The following CNTNAP3B variants were observed in gnomAD, a reference collection of about 807,000 sequenced individuals.
CNTNAP3B encodes contactin-associated protein-like 3B.
A neutral mutation model predicts 108.9 loss-of-function variants in CNTNAP3B; 25 were observed. The observed-to-expected ratio is 0.23, with a 90% CI of 0.17 to 0.32. CNTNAP3B has a LOEUF of 0.32. Among genes scored for constraint, CNTNAP3B ranks in the 10% least tolerant of loss-of-function variants. The pLI is 1.00. For missense variants in CNTNAP3B, 252 were observed against 1,210.4 expected, an observed-to-expected ratio of 0.21 and a Z score of 11.75; for synonymous variants, 103 against 473.4, an observed-to-expected ratio of 0.22 and a Z score of 10.16.
intron 18 of CNTNAP3B, among the ~76,000 whole-genome samples, chr9:41,915,809 C>A (rs1823502188): frequency 6.6e-6 from 1 of 150,466 alleles, no homozygotes; most frequent in Non-Finnish European, 1.5e-5. Flanking sequence ...ATTTGTTGAA[C>A]CACTCCTGAA....
At chr9:42,061,349 C>T (rs1827175415) in intron 3 of CNTNAP3B, among the ~76,000 whole-genome samples, 1 of 123,236 alleles carries the variant, frequency 8.1e-6, no homozygotes, top group Non-Finnish European at 1.6e-5. Flanking sequence ...GAGACAGTCT[C>T]GCTCTGTCAC....
intron 2 of CNTNAP3B, among the ~76,000 whole-genome samples, chr9:42,086,177 G>T (rs545162009): frequency 1.4e-4 from 20 of 142,382 alleles, no homozygotes; most frequent in South Asian, 1.3e-3. Context: ...GCAAAAGGGG[G>T]TCCCCCTTAT....
intron 9 of CNTNAP3B, among the ~76,000 whole-genome samples, chr9:41,977,927 G>A (rs1825552880): frequency 7.0e-6 from 1 of 142,436 alleles, no homozygotes; most frequent in East Asian, 2.1e-4. Flanking sequence ...CACTGTGCCT[G>A]GCCGAATTTT....
intron 3 of CNTNAP3B, among the ~76,000 whole-genome samples, chr9:42,020,342 C>T (rs1199647775): frequency 6.6e-6 from 1 of 151,908 alleles, no homozygotes; most frequent in East Asian, 1.9e-4. Context: ...TTGCTATTGA[C>T]TTTAAATGAT....
Position 42,126,797 on chromosome 9 carries a change from T to C in CNTNAP3B, c.85+2213A>G, listed in dbSNP as rs1336460999. Among the ~76,000 whole-genome samples the C allele has an allele frequency of 1.5e-5, 2 of 137,832 alleles. 1 individual carries two copies. Among genetic ancestry groups the C allele is most frequent in the Non-Finnish European group, 3.1e-5 (2 of 64,414 alleles). 90.4% of individuals were successfully genotyped at this position (137,832 alleles called of 152,430 possible). On this transcript the variant is annotated intron_variant, in intron 1 of 23. Coordinates refer to ENST00000377561, the MANE Select transcript of CNTNAP3B (RefSeq NM_001201380.3). Reference sequence around the variant, plus strand: ...GGTGGCCAAGCTGGTCTCGAACTCCTGACCTCAGGTGATCCACCCACCTCG... The same window carrying C: ...GGTGGCCAAGCTGGTCTCGAACTCCCGACCTCAGGTGATCCACCCACCTCG...
chr9:41,937,597 G>A (rs1276909183), intron 14 of CNTNAP3B, among the ~76,000 whole-genome samples: 1 of 152,348 alleles, frequency 6.6e-6, no homozygotes, highest in African/African-American at 2.4e-5. Context: ...CTGAAAAAGA[G>A]GCATTGCAAT....
intron 13 of CNTNAP3B, among the ~76,000 whole-genome samples, chr9:41,948,034 G>GGA (rs1554741495): frequency 1.3e-5 from 2 of 148,358 alleles, no homozygotes; most frequent in Non-Finnish European, 3.0e-5. Context: ...TAAAATTACT[G>GGA]AAAAAAAATC....
chr9:42,103,488 C>A, intron 2 of CNTNAP3B, among the ~76,000 whole-genome samples: 1 of 119,762 alleles, frequency 8.3e-6, no homozygotes, highest in Non-Finnish European at 1.7e-5. Context: ...CTTCAGGAGG[C>A]TGAGGTGGGT....
At chr9:41,933,657 A>G (rs1172140755) in intron 14 of CNTNAP3B, among the ~76,000 whole-genome samples, 1 of 152,250 alleles carries the variant, frequency 6.6e-6, no homozygotes, top group Non-Finnish European at 1.5e-5. Flanking sequence ...ATTTTTCCTG[A>G]TATTTCTTTA....
At chr9:41,940,400 G>C (rs1824300386) in intron 13 of CNTNAP3B, among the ~76,000 whole-genome samples, 1 of 152,400 alleles carries the variant, frequency 6.6e-6, no homozygotes, top group Non-Finnish European at 1.5e-5. Context: ...AATGATAGTA[G>C]ATTACTCATC....
At chr9:42,087,364 T>C (rs982394242) in intron 2 of CNTNAP3B, among the ~76,000 whole-genome samples, 5 of 132,304 alleles carry the variant, frequency 3.8e-5, no homozygotes, top group East Asian at 2.3e-4. Context: ...GACCCTTTTT[T>C]CATGGTTGTT....
At chr9:41,925,781 A>G (rs1333059488) in intron 15 of CNTNAP3B, among the ~76,000 whole-genome samples, 2 of 152,262 alleles carry the variant, frequency 1.3e-5, no homozygotes, top group Non-Finnish European at 2.9e-5. Flanking sequence ...GCTGACACCC[A>G]TGCCTTTTTC....
intron 12 of CNTNAP3B, among the ~76,000 whole-genome samples, chr9:41,959,572 T>C (rs1357973450): frequency 2.6e-5 from 4 of 152,374 alleles, no homozygotes; most frequent in African/African-American, 9.6e-5. Context: ...TTTTATGGGA[T>C]TTCTCACTTT....
At chr9:42,120,519 C>T (rs1160816624) in intron 1 of CNTNAP3B, among the ~76,000 whole-genome samples, 1 of 138,024 alleles carries the variant, frequency 7.2e-6, no homozygotes, top group African/African-American at 2.9e-5. Context: ...AAGACACATG[C>T]ACACGTATGT....
At chr9:41,958,445 G>A (rs1824945433) in intron 12 of CNTNAP3B, among the ~76,000 whole-genome samples, 1 of 152,172 alleles carries the variant, frequency 6.6e-6, no homozygotes, top group Non-Finnish European at 1.5e-5. Flanking sequence ...ATTTTTTCTT[G>A]ATAACCAGAT....
intron 15 of CNTNAP3B, among the ~76,000 whole-genome samples, chr9:41,927,993 T>C (rs1191962435): frequency 9.4e-5 from 14 of 149,352 alleles, no homozygotes; most frequent in African/African-American, 2.7e-4. Context: ...AACCATTTTT[T>C]CTTAAAAGAG....
At chr9:42,063,810 C>A (rs578214227) in intron 3 of CNTNAP3B, among the ~76,000 whole-genome samples, 17 of 148,254 alleles carry the variant, frequency 1.1e-4, no homozygotes, top group Non-Finnish European at 2.4e-4. Flanking sequence ...CAACCTCAAA[C>A]TCCTGGGCTC....
chr9:41,961,039 A>G, intron 11 of CNTNAP3B, 147 bp from the exon 12 acceptor site: 1 of 1,465,672 alleles, frequency 6.8e-7, no homozygotes, highest in African/African-American at 1.4e-5. Flanking sequence ...ATTTGATGAG[A>G]TGCAAGAAAA....
chr9:42,017,094 T>A (rs1047913730), intron 3 of CNTNAP3B, among the ~76,000 whole-genome samples: 4 of 145,920 alleles, frequency 2.7e-5, no homozygotes, highest in Non-Finnish European at 6.0e-5. Flanking sequence ...TAGGTATACA[T>A]GAAAGTGACT....
Sources: gnomAD v4.1 joint callset for allele counts (sites outside exome capture counted in the v4.1 genomes callset) on GRCh38, gnomAD v4.1.1 for gene constraint, MANE v1.5 for transcripts, NCBI Gene and HGNC (gene_info 2026-07-23, HGNC 2026-07-21) for gene names.